Variants in ANKS1B observed in about 807,000 individuals in gnomAD.
ANKS1B encodes ankyrin repeat and sterile alpha motif domain-containing protein 1B.
A neutral mutation model predicts 148.3 loss-of-function variants in ANKS1B; 36 were observed. The observed-to-expected ratio is 0.24, with a 90% CI of 0.19 to 0.32. ANKS1B has a LOEUF of 0.32. ANKS1B is among the 10% of genes least tolerant of loss of function. The pLI, the probability that ANKS1B is intolerant of heterozygous loss-of-function variation, is 1.00. For synonymous variants in ANKS1B, 542 were observed against 560.8 expected, an observed-to-expected ratio of 0.97 and a Z score of 0.47; for missense variants, 1,157 against 1,542.6, an observed-to-expected ratio of 0.75 and a Z score of 4.19.
intron 17 of ANKS1B, among the ~76,000 whole-genome samples, chr12:99,015,356 C>T (rs2153423416): frequency 6.6e-6 from 1 of 152,162 alleles, no homozygotes; most frequent in East Asian, 1.9e-4. Flanking sequence ...ACACTGGGGC[C>T]TTTCGGAGGG....
chr12:99,180,036 G>C (rs2078933040), intron 14 of ANKS1B, among the ~76,000 whole-genome samples: 1 of 151,896 alleles, frequency 6.6e-6, no homozygotes, highest in South Asian at 2.1e-4. Flanking sequence ...CTGCCTCATG[G>C]CTTCTTGCTT....
chr12:99,723,683 C>A (rs537510168), intron 8 of ANKS1B, among the ~76,000 whole-genome samples: 2 of 152,106 alleles, frequency 1.3e-5, no homozygotes, highest in African/African-American at 2.4e-5. Context: ...CTGTACCACC[C>A]AACTAGGTGA....
intron 17 of ANKS1B, among the ~76,000 whole-genome samples, chr12:98,942,086 C>T (rs2099837680): frequency 6.6e-6 from 1 of 151,930 alleles, no homozygotes; most frequent in African/African-American, 2.4e-5. Context: ...ATCAAAAATA[C>T]AAAAATTAGC....
At chr12:99,688,846 T>C (rs182998416) in intron 8 of ANKS1B, among the ~76,000 whole-genome samples, 257 of 145,372 alleles carry the variant, frequency 1.8e-3, no homozygotes, top group African/African-American at 6.2e-3. Flanking sequence ...GTCTCTAAAA[T>C]AATAATAATA....
At chr12:99,345,269 A>G (rs899324380) in intron 12 of ANKS1B, among the ~76,000 whole-genome samples, 1 of 152,072 alleles carries the variant, frequency 6.6e-6, no homozygotes, top group African/African-American at 2.4e-5. Context: ...GATCTGAGAA[A>G]TAACTCCTTT....
chr12:99,850,292 T>C (rs867920300), intron 1 of ANKS1B, among the ~76,000 whole-genome samples: 1 of 150,676 alleles, frequency 6.6e-6, no homozygotes, highest in African/African-American at 2.4e-5. Flanking sequence ...TCTCTCTCTC[T>C]CTCTCTCTCT....
Position 98,744,656 on chromosome 12 carries a change from G to GT in ANKS1B, c.*1082dup. 2.2e-6 allele frequency: 2 copies of GT among 912,842 alleles called. No homozygotes were observed. The highest frequency in any genetic ancestry group is 1.3e-6 in the Non-Finnish European group (1 of 766,584). The allele number at this position is 912,842 out of a possible 1,614,324, so 56.5% of individuals were successfully genotyped here. On this transcript the variant is annotated 3_prime_UTR_variant, in exon 27 of 27. Coordinates refer to ENST00000683438, the MANE Select transcript of ANKS1B (RefSeq NM_001352186.2). The stretch of plus-strand genomic sequence containing the variant: ...TTTTTTTTTGTTTGTCTCAAGAAAA[G>GT]TTTTATTACTTTGGAATTTCTTCTT...
chr12:99,344,353 T>A (rs2090364198), intron 12 of ANKS1B, among the ~76,000 whole-genome samples: 1 of 152,080 alleles, frequency 6.6e-6, no homozygotes. Context: ...ACCTCATATA[T>A]CTCTCTTTGT....
chr12:99,215,422 C>T (rs574399103), intron 14 of ANKS1B, among the ~76,000 whole-genome samples: 3 of 152,184 alleles, frequency 2.0e-5, no homozygotes, highest in Non-Finnish European at 4.4e-5. Context: ...CTCCTCCAGA[C>T]CTCAGAGAGG....
At chr12:98,925,491 A>C (rs1036347048) in intron 17 of ANKS1B, among the ~76,000 whole-genome samples, 3 of 152,188 alleles carry the variant, frequency 2.0e-5, no homozygotes, top group African/African-American at 7.2e-5. Context: ...TCACTGGCAA[A>C]ATTTGTCAAA....
At chr12:99,126,915 G>A (rs1396021409) in intron 15 of ANKS1B, among the ~76,000 whole-genome samples, 1 of 151,966 alleles carries the variant, frequency 6.6e-6, no homozygotes, top group Non-Finnish European at 1.5e-5. Flanking sequence ...ACTGGTAACC[G>A]ATCAATTAAC....
At chr12:99,683,689 C>T (rs1332811869) in intron 8 of ANKS1B, among the ~76,000 whole-genome samples, 1 of 152,022 alleles carries the variant, frequency 6.6e-6, no homozygotes, top group Non-Finnish European at 1.5e-5. Context: ...AAACAAAAAA[C>T]CAATATCCCT....
intron 14 of ANKS1B, among the ~76,000 whole-genome samples, chr12:99,176,865 T>C (rs1389646079): frequency 6.6e-6 from 1 of 152,198 alleles, no homozygotes; most frequent in Non-Finnish European, 1.5e-5. Flanking sequence ...GCCAGCACCC[T>C]GCTTCCTGTA....
chr12:99,314,969 G>T (rs2083777322), intron 12 of ANKS1B, among the ~76,000 whole-genome samples: 1 of 151,410 alleles, frequency 6.6e-6, no homozygotes, highest in Non-Finnish European at 1.5e-5. Flanking sequence ...CATTGGCTGG[G>T]CGTGGTGGCT....
At chr12:99,849,817 T>C (rs183454610) in intron 1 of ANKS1B, among the ~76,000 whole-genome samples, 1 of 152,272 alleles carries the variant, frequency 6.6e-6, no homozygotes, top group East Asian at 1.9e-4. Context: ...TTCTGGGGGA[T>C]AGTAACTAGA....
intron 9 of ANKS1B, among the ~76,000 whole-genome samples, chr12:99,631,439 TG>T (rs1306860200): frequency 2.6e-5 from 4 of 152,090 alleles, no homozygotes. Context: ...GCCTAGATTC[TG>T]GTGAGGGTTT....
intron 1 of ANKS1B, among the ~76,000 whole-genome samples, chr12:99,888,969 A>AACACACACAC (rs6144833): frequency 0.13 from 19,111 of 147,130 alleles, 1,534 homozygotes; most frequent in Middle Eastern, 0.2. Flanking sequence ...CCTTCGCCAA[A>AACACACACAC]ACACACACAC....
chr12:99,377,096 C>T (rs12811516), intron 12 of ANKS1B, among the ~76,000 whole-genome samples: 1 of 152,118 alleles, frequency 6.6e-6, no homozygotes, highest in Non-Finnish European at 1.5e-5. Flanking sequence ...CAACTTCCGC[C>T]TCCCAGGTTC....
At chr12:99,446,208 GA>G (rs2095635618) in intron 10 of ANKS1B, among the ~76,000 whole-genome samples, 1 of 151,894 alleles carries the variant, frequency 6.6e-6, no homozygotes, top group African/African-American at 2.4e-5. Context: ...AAGAAAGCTG[GA>G]ACAAAACATT....
Sources: allele counts gnomAD v4.1 joint callset (sites outside exome capture counted in the v4.1 genomes callset), GRCh38; gene constraint gnomAD v4.1.1; transcripts MANE v1.5; gene names NCBI Gene and HGNC (gene_info 2026-07-23, HGNC 2026-07-21).